The following PCDHGB1 variants were observed in gnomAD, a reference collection of about 807,000 sequenced individuals.
The protein encoded by PCDHGB1 is protocadherin gamma-B1.
Under a neutral mutation model 56.6 loss-of-function variants are expected in PCDHGB1, and 34 were observed. The observed-to-expected ratio is 0.60, with a 90% CI of 0.46 to 0.80. The LOEUF (loss-of-function observed/expected upper bound fraction) is 0.80, where lower values mean the gene tolerates loss of function less well. Ranked by LOEUF, PCDHGB1 falls within the 30% of genes least tolerant of loss-of-function variation. PCDHGB1 has a pLI of 0.00. For missense variants in PCDHGB1, 1,278 were observed against 1,204.6 expected (o/e 1.06, Z -0.90); for synonymous variants, 561 against 505.9 (o/e 1.11, Z -1.46).
At chr5:141,387,499 T>A (rs57697403) in intron 1 of PCDHGB1, among the ~76,000 whole-genome samples, 12,383 of 152,290 alleles carry the variant, frequency 0.081, 653 homozygotes, top group African/African-American at 0.15. Context: ...TAAGAGTACA[T>A]TTTTAGACGT....
chr5:141,374,492 G>T (rs770971184), intron 1 of PCDHGB1: 1 of 1,611,364 alleles, frequency 6.2e-7, no homozygotes, highest in Non-Finnish European at 8.5e-7. Flanking sequence ...CTTAAAGGAA[G>T]AATTGGAAGT....
intron 1 of PCDHGB1, chr5:141,415,739 G>GT (rs1561759437): frequency 3.9e-5 from 17 of 435,138 alleles, no homozygotes; most frequent in African/African-American, 2.3e-4. Flanking sequence ...TGTTTATTAA[G>GT]GTTTTTTTTT....
At chr5:141,427,276 T>G (rs1281222927) in intron 1 of PCDHGB1, 1 of 456,754 alleles carries the variant, frequency 2.2e-6, no homozygotes, top group Non-Finnish European at 4.4e-6. Context: ...GAATGTAAAA[T>G]TATACTAGAA....
Position 141,382,839 on chromosome 5 carries a change from T to C in PCDHGB1, c.2409+30170T>C, listed in dbSNP as rs11575957. On this transcript the variant is annotated intron_variant, in intron 1 of 3. Coordinates refer to ENST00000523390, the MANE Select transcript of PCDHGB1 (RefSeq NM_018922.3). ...CCTAAGACAGAGGGGTCCACCCGGATACACCCGCATTCTGAAGCACTTCCC... is the reference window on the plus strand; with the variant it reads ...CCTAAGACAGAGGGGTCCACCCGGACACACCCGCATTCTGAAGCACTTCCC... The C allele has an allele frequency of 5.0e-3, 7,225 of 1,450,218 alleles. 38 individuals are homozygous for C. Among genetic ancestry groups the C allele is most frequent in the Admixed American group, 9.6e-3 (425 of 44,246 alleles). 89.8% of individuals were successfully genotyped at this position (1,450,218 alleles called of 1,614,324 possible).
At chr5:141,498,011 G>A (rs995865984) in intron 2 of PCDHGB1, among the ~76,000 whole-genome samples, 2 of 152,204 alleles carry the variant, frequency 1.3e-5, no homozygotes, top group Non-Finnish European at 2.9e-5. Flanking sequence ...ACAGTGCACT[G>A]AAGGAGACAA....
At position 141,430,558 on chromosome 5, in the gene PCDHGB1, G is replaced by A. The variant is rs1472516429; in HGVS notation, c.2410-64249G>A. 2.2e-5 allele frequency: 9 copies of A among 417,488 alleles called. No homozygotes were observed. In the East Asian group the frequency reaches 3.3e-4, roughly 15 times the overall value. The allele number at this position is 417,488 out of a possible 1,614,324, so 25.9% of individuals were successfully genotyped here. On this transcript the variant is annotated intron_variant, in intron 1 of 3. Transcript: ENST00000523390. ...TCTGAGCGCCGCTGTTCACCAATCGGGGAGAGAAAAGCGGAGATCCTGCTC... is the reference window on the plus strand; with the variant it reads ...TCTGAGCGCCGCTGTTCACCAATCGAGGAGAGAAAAGCGGAGATCCTGCTC...
At chr5:141,463,532 T>G (rs1237301892) in intron 1 of PCDHGB1, among the ~76,000 whole-genome samples, 1 of 133,692 alleles carries the variant, frequency 7.5e-6, no homozygotes, top group African/African-American at 2.8e-5. Flanking sequence ...TACTAGAAAC[T>G]CCGGCTCCCG....
Position 141,489,793 on chromosome 5 carries a change from C to T in PCDHGB1, c.2410-5014C>T, listed in dbSNP as rs749700050. On this transcript the variant is annotated intron_variant, in intron 1 of 3. Transcript: ENST00000523390. The surrounding 1 kb of genome is among the most constrained non-coding windows in gnomAD (Gnocchi z 4.5). ...CCACTTCTCTCTGAATGTGAAGACC[C>T]TAAAAGATGGGAAGCCATTCCCAGA... The T allele has an allele frequency of 6.2e-7, 1 of 1,614,044 alleles. No homozygotes were observed. Among genetic ancestry groups the T allele is most frequent in the Non-Finnish European group, 8.5e-7 (1 of 1,180,010 alleles).
intron 1 of PCDHGB1, chr5:141,372,939 G>C (rs1026338118): frequency 3.6e-6 from 3 of 824,678 alleles, no homozygotes. Flanking sequence ...GTAGAGTAGG[G>C]TGTCTAGGAA....
Position 141,431,570 on chromosome 5 carries a change from G to T in PCDHGB1, c.2410-63237G>T. On this transcript the variant is annotated intron_variant, in intron 1 of 3. Coordinates refer to ENST00000523390, the MANE Select transcript of PCDHGB1 (RefSeq NM_018922.3). This position sits in a 1 kb window ranked among gnomAD's most constrained non-coding sequence, Gnocchi z 4.8. The stretch of plus-strand genomic sequence containing the variant: ...TGTAGTCAACGCTACCGACCCTGAC[G>T]AAGGAGTCAATGCGGAAGTGAGGTA... The T allele has an allele frequency of 6.2e-7, 1 of 1,614,172 alleles. No homozygotes were observed. Among genetic ancestry groups the T allele is most frequent in the Non-Finnish European group, 8.5e-7 (1 of 1,180,024 alleles).
intron 1 of PCDHGB1, chr5:141,361,554 A>G (rs199916536): frequency 2.8e-5 from 45 of 1,613,944 alleles, no homozygotes; most frequent in East Asian, 8.9e-5. Context: ...CTATCGCTCA[A>G]ATCAGTGCCT....
chr5:141,374,457 A>G (rs775796857), intron 1 of PCDHGB1: 1 of 1,613,430 alleles, frequency 6.2e-7, no homozygotes. Context: ...GAAATAGTGG[A>G]CATTAATGAC....
At chr5:141,429,445 G>C (rs2097215795) in intron 1 of PCDHGB1, among the ~76,000 whole-genome samples, 1 of 151,758 alleles carries the variant, frequency 6.6e-6, no homozygotes, top group Admixed American at 6.6e-5. Context: ...AAACTCTTGG[G>C]CTACAGTAAT....
At chr5:141,510,898 T>C in intron 3 of PCDHGB1, 49 bp from the exon 4 acceptor site, 1 of 1,613,278 alleles carries the variant, frequency 6.2e-7, no homozygotes, top group Non-Finnish European at 8.5e-7. Context: ...ACAGTGACTG[T>C]TGAGGACCCT....
chr5:141,365,561 G>A lies in PCDHGB1; in HGVS notation c.2409+12892G>A. On this transcript the variant is annotated intron_variant, in intron 1 of 3. Coordinates refer to ENST00000523390, the MANE Select transcript of PCDHGB1 (RefSeq NM_018922.3). Reference sequence around the variant, plus strand: ...TCACCTATTAACAACTAGGGACCTGGACAGAGAAGAGACTTCAGATTATAA... The same window carrying A: ...TCACCTATTAACAACTAGGGACCTGAACAGAGAAGAGACTTCAGATTATAA... 2 of 1,613,682 alleles carry A rather than the reference G, an allele frequency of 1.2e-6. No homozygotes were observed. The highest frequency in any genetic ancestry group is 1.7e-6 in the Non-Finnish European group (2 of 1,179,886).
Position 141,491,504 on chromosome 5 carries a change from G to T in PCDHGB1, c.2410-3303G>T. 6.2e-7 allele frequency: 1 copy of T among 1,614,048 alleles called. No homozygotes were observed. The highest frequency in any genetic ancestry group is 2.2e-5 in the East Asian group (1 of 44,876). Reference sequence around the variant, plus strand: ...CCCAACCTGCAGGTGAGCTCGGACGGCACGCTCAAGTACATGGAGGTGACG... The same window carrying T: ...CCCAACCTGCAGGTGAGCTCGGACGTCACGCTCAAGTACATGGAGGTGACG... On this transcript the variant is annotated intron_variant, in intron 1 of 3. Transcript: ENST00000523390. The surrounding 1 kb of genome is among the most constrained non-coding windows in gnomAD (Gnocchi z 6.9).
In PCDHGB1 at chr5:141,485,636, G is replaced by A. The variant is rs371040974; in HGVS notation, c.2410-9171G>A. The A allele has an allele frequency of 6.2e-7, 1 of 1,611,922 alleles. No homozygotes were observed. The highest frequency in any genetic ancestry group is 1.1e-5 in the South Asian group (1 of 90,964). On this transcript the variant is annotated intron_variant, in intron 1 of 3. Transcript: ENST00000523390. This position sits in a 1 kb window ranked among gnomAD's most constrained non-coding sequence, Gnocchi z 5.7. ...TCCTCCAGGACAGCGTTTCCCGTTG[G>A]AAAAGGCTCAGGATGCAGATGTGGG...
At chr5:141,377,672 C>CAAG (rs1410106152) in intron 1 of PCDHGB1, 2 of 151,680 alleles carry the variant, frequency 1.3e-5, no homozygotes, top group Admixed American at 1.3e-4. Context: ...GACGTTCATA[C>CAAG]AAGAGATCTT....
chr5:141,409,541 G>A (rs1485327824), intron 1 of PCDHGB1: 5 of 1,613,852 alleles, frequency 3.1e-6, no homozygotes, highest in South Asian at 1.1e-5. Flanking sequence ...TGACATCAAC[G>A]ACAACGCCCC....
Sources: gnomAD v4.1 joint callset for allele counts (sites outside exome capture counted in the v4.1 genomes callset) on GRCh38, gnomAD v4.1.1 for gene constraint, Gnocchi (gnomAD v3.1) non-coding constraint, MANE v1.5 for transcripts, NCBI Gene and HGNC (gene_info 2026-07-23, HGNC 2026-07-21) for gene names.